FAM227A: variants seen among roughly 807,000 people sequenced by gnomAD.
FAM227A encodes the protein protein FAM227A.
A neutral mutation model predicts 74.7 loss-of-function variants in FAM227A; 80 were observed. The observed-to-expected ratio is 1.07, with a 90% confidence interval of 0.89 to 1.29. The LOEUF (loss-of-function observed/expected upper bound fraction) is 1.29, where lower values mean the gene tolerates loss of function less well. FAM227A is among the 50% of genes most tolerant of loss of function. The pLI is 0.00. For synonymous variants in FAM227A, 237 were observed against 241.8 expected, an observed-to-expected ratio of 0.98 and a Z score of 0.19; for missense variants, 654 against 683.4, an observed-to-expected ratio of 0.96 and a Z score of 0.48.
chr22:38,648,234 G>A (rs1214575152), intron 2 of FAM227A, among the ~76,000 whole-genome samples: 1 of 151,426 alleles, frequency 6.6e-6, no homozygotes, highest in East Asian at 1.9e-4. Flanking sequence ...GAGCCTGGAC[G>A]ATGCCAGAAG....
intron 13 of FAM227A, among the ~76,000 whole-genome samples, chr22:38,602,718 A>C (rs908164567): frequency 3.3e-5 from 5 of 152,218 alleles, no homozygotes; most frequent in Admixed American, 3.3e-4. Context: ...AAAGTCCAGC[A>C]TCTGGGATCC....
intron 16 of FAM227A, among the ~76,000 whole-genome samples, chr22:38,588,419 GA>G (rs1244672982): frequency 6.6e-6 from 1 of 151,782 alleles, no homozygotes; most frequent in Non-Finnish European, 1.5e-5. Flanking sequence ...AGGAGTTCGA[GA>G]CCAGCCTGGC....
At chr22:38,588,440 G>A (rs1361033060) in intron 16 of FAM227A, among the ~76,000 whole-genome samples, 1 of 150,756 alleles carries the variant, frequency 6.6e-6, no homozygotes, top group Admixed American at 6.6e-5. Flanking sequence ...CCAACATGGT[G>A]AAACCCCATC....
chr22:38,647,422 C>T (rs1199879471), intron 2 of FAM227A, among the ~76,000 whole-genome samples: 2 of 152,046 alleles, frequency 1.3e-5, no homozygotes, highest in Non-Finnish European at 2.9e-5. Context: ...TGAGATTGCG[C>T]CACTGCACTC....
intron 10 of FAM227A, among the ~76,000 whole-genome samples, chr22:38,621,108 G>A (rs1464440973): frequency 6.6e-6 from 1 of 152,056 alleles, no homozygotes; most frequent in Non-Finnish European, 1.5e-5. Flanking sequence ...AGGCCAAGGT[G>A]GGTGGATTGC....
intron 13 of FAM227A, among the ~76,000 whole-genome samples, chr22:38,603,304 A>G (rs1188981729): frequency 6.6e-6 from 1 of 152,096 alleles, no homozygotes; most frequent in Non-Finnish European, 1.5e-5. Flanking sequence ...CCTGACCAAC[A>G]CGGCAAAACC....
chr22:38,623,355 C>G (rs930257645), intron 9 of FAM227A, 76 bp from the exon 10 acceptor site: 1 of 964,504 alleles, frequency 1.0e-6, no homozygotes, highest in East Asian at 2.6e-5. Context: ...TTTGAGAAGC[C>G]AAGGTGGGAG....
At chr22:38,639,755 G>A (rs140977604) in intron 3 of FAM227A, 31 bp from the exon 4 acceptor site, 33,379 of 1,409,680 alleles carry the variant, frequency 0.024, 486 homozygotes, top group Middle Eastern at 0.04. Flanking sequence ...GGGGGCATTA[G>A]GGATTAATGC....
At chr22:38,637,579 G>C (rs2092031917) in intron 5 of FAM227A, among the ~76,000 whole-genome samples, 1 of 152,234 alleles carries the variant, frequency 6.6e-6, no homozygotes, top group Admixed American at 6.5e-5. Context: ...ACTGGGCTCT[G>C]GCCATGGTCA....
chr22:38,583,206 CTT>C lies in FAM227A; in HGVS notation c.*2917_*2918del, dbSNP rs1375058325. ...TTTTTTTTTGAGATGGAGTTTCACT[CTT>C]GTTACCCAGGCTGGAGTGCAATGGT... On this transcript the variant is annotated 3_prime_UTR_variant, in exon 17 of 17. Transcript: ENST00000535113. The C allele has an allele frequency of 2.4e-5, 8 of 336,348 alleles. No individual in the cohort carries two copies. The highest frequency in any genetic ancestry group is 4.7e-5 in the African/African-American group (2 of 42,362). 20.8% of individuals were successfully genotyped at this position (336,348 alleles called of 1,614,324 possible).
At chr22:38,638,935 A>C in intron 4 of FAM227A, 113 bp from the exon 5 acceptor site, 1 of 642,358 alleles carries the variant, frequency 1.6e-6, no homozygotes, top group East Asian at 2.9e-5. Flanking sequence ...GGACACTCCT[A>C]CTACTAGTCT....
intron 1 of FAM227A, among the ~76,000 whole-genome samples, chr22:38,651,998 C>T (rs1380977562): frequency 6.7e-6 from 1 of 148,640 alleles, no homozygotes; most frequent in East Asian, 2.1e-4. Context: ...ACCAGCCTGG[C>T]CAACGTGGTG....
rs1373785955 is a variant in FAM227A at position 38,656,348 on chromosome 22, C to T, written c.-323G>A. The T allele has an allele frequency of 6.6e-6, 1 of 152,294 alleles. No individual in the cohort carries two copies. The highest frequency in any genetic ancestry group is 1.5e-5 in the Non-Finnish European group (1 of 68,076). The allele number at this position is 152,294 out of a possible 1,614,324, so 9.4% of individuals were successfully genotyped here. On this transcript the variant is annotated 5_prime_UTR_variant, in exon 1 of 17. Coordinates refer to ENST00000535113, the MANE Select transcript of FAM227A (RefSeq NM_001013647.2). ...GCAACGCCGGCGCGGTCTCCACTTT[C>T]CCGTTTAGCATAACAATGGAACCTT...
rs779788341 is a variant in FAM227A, at chr22:38,652,590, G to GA, written c.-94-2329dup. Among the ~76,000 whole-genome samples, 564 of 59,078 alleles carry GA rather than the reference G, an allele frequency of 9.5e-3. 1 individual carries two copies. Among genetic ancestry groups the GA allele is most frequent in the Middle Eastern group, 0.048 (4 of 84 alleles). The allele number at this position is 59,078 out of a possible 152,430, so 38.8% of individuals were successfully genotyped here. A position where few individuals can be genotyped will look rare whatever the true frequency, so the allele number is the denominator to read the frequency against. ...GCGACAGAGCGAGACTCCATCTCAA[G>GA]AAAAAAAAAAAAAAGGTCGGGCGTG... On this transcript the variant is annotated intron_variant, in intron 1 of 16. Coordinates refer to ENST00000535113, the MANE Select transcript of FAM227A (RefSeq NM_001013647.2).
chr22:38,617,806 T>TG (rs1489468830), intron 11 of FAM227A, among the ~76,000 whole-genome samples: 1 of 152,136 alleles, frequency 6.6e-6, no homozygotes, highest in Non-Finnish European at 1.5e-5. Context: ...AAGACCAGCC[T>TG]GGGCAACATA....
chr22:38,628,551 C>A (rs188027248), intron 7 of FAM227A, among the ~76,000 whole-genome samples: 85 of 152,306 alleles, frequency 5.6e-4, no homozygotes, highest in African/African-American at 1.9e-3. Flanking sequence ...TTGAAGACGG[C>A]ACCCTAACAC....
intron 3 of FAM227A, among the ~76,000 whole-genome samples, chr22:38,642,219 G>T (rs1322514194): frequency 1.3e-5 from 2 of 152,142 alleles, no homozygotes; most frequent in African/African-American, 2.4e-5. Context: ...GAACAGACAG[G>T]TAGGTAGATA....
At chr22:38,607,620 C>T (rs1602920673) in intron 11 of FAM227A, 144 bp from the exon 12 acceptor site, 8 of 657,196 alleles carry the variant, frequency 1.2e-5, no homozygotes, top group Admixed American at 4.9e-5. Context: ...ACATGCAGAA[C>T]GAGACCTTTC....
chr22:38,647,200 C>T (rs2089578095), intron 2 of FAM227A, among the ~76,000 whole-genome samples: 1 of 151,992 alleles, frequency 6.6e-6, no homozygotes, highest in Non-Finnish European at 1.5e-5. Context: ...CACGGTGGCT[C>T]ACGCCTGTAA....
Sources: gnomAD v4.1 joint callset for allele counts (sites outside exome capture counted in the v4.1 genomes callset) on GRCh38, gnomAD v4.1.1 for gene constraint, MANE v1.5 for transcripts, NCBI Gene and HGNC (gene_info 2026-07-23, HGNC 2026-07-21) for gene names.